Variants in PRSS23 observed in about 807,000 individuals in gnomAD.
The protein encoded by PRSS23 is protease, serine 23.
In PRSS23, 25 loss-of-function variants were observed where a neutral mutation model predicts 34.7. The ratio of observed to expected loss-of-function variants is 0.72; its 90% CI spans 0.53 to 1.01. PRSS23 has a LOEUF of 1.01. Among genes scored for constraint, PRSS23 ranks in the 50% least tolerant of loss-of-function variants. The probability of loss-of-function intolerance (pLI) is 0.00; values close to 1 mark genes in which losing one functional copy is unlikely to be tolerated. For missense variants in PRSS23, 445 were observed against 475.6 expected, an observed-to-expected ratio of 0.94 and a Z score of 0.60; for synonymous variants, 176 against 186.6, an observed-to-expected ratio of 0.94 and a Z score of 0.46.
intron 2 of PRSS23, among the ~76,000 whole-genome samples, chr11:86,927,510 T>A (rs144459977): frequency 0.013 from 1,932 of 152,122 alleles, 16 homozygotes; most frequent in South Asian, 0.021. Context: ...TTTTTTAAAT[T>A]TTTTTTTAGA....
At chr11:86,798,746 G>A (rs180795504), upstream of PRSS23, among the ~76,000 whole-genome samples, 27 of 152,340 alleles carry the variant, frequency 1.8e-4, no homozygotes, top group East Asian at 4.2e-3. Context: ...CCAGGTTGGA[G>A]TGCAGTGGTG....
At position 86,951,594 on chromosome 11, in the gene PRSS23, T is replaced by A. The variant is rs770501338; in HGVS notation, c.*309T>A. 3.9e-5 allele frequency: 63 copies of A among 1,614,090 alleles called. No homozygotes were observed. Among genetic ancestry groups the A allele is most frequent in the Non-Finnish European group, 5.3e-5 (62 of 1,179,978 alleles). On this transcript the variant is annotated 3_prime_UTR_variant, in exon 3 of 3. Coordinates refer to the PRSS23 transcript ENST00000533902. ...AAGAGGGGAGCCACCACGAACCCGG[T>A]GAGGGCATCGAGATTTTGGTTTCCA... is the stretch of plus-strand genomic sequence containing the variant.
At chr11:86,833,215 A>G (rs564941786) in intron 2 of PRSS23, 124 of 1,443,628 alleles carry the variant, frequency 8.6e-5, no homozygotes, top group East Asian at 2.1e-4. Flanking sequence ...GATGTCCACA[A>G]TCATCTTGGG....
chr11:86,911,063 T>C (rs1044187145), intron 2 of PRSS23: 2 of 152,120 alleles, frequency 1.3e-5, no homozygotes, highest in Non-Finnish European at 2.9e-5. Flanking sequence ...GTGACCAGTA[T>C]GGATCATTAC....
chr11:86,824,781 T>C (rs1292439310), intron 2 of PRSS23, among the ~76,000 whole-genome samples: 1 of 151,980 alleles, frequency 6.6e-6, no homozygotes, highest in Non-Finnish European at 1.5e-5. Context: ...TTTCCAATTT[T>C]ATCCATGTCC....
At chr11:86,873,277 T>C (rs374595305) in intron 2 of PRSS23, among the ~76,000 whole-genome samples, 8 of 93,012 alleles carry the variant, frequency 8.6e-5, no homozygotes, top group African/African-American at 1.8e-4. Flanking sequence ...TACACACACA[T>C]ATATATACAT....
chr11:86,900,294 C>A (rs1379868374), intron 2 of PRSS23, among the ~76,000 whole-genome samples: 1 of 152,194 alleles, frequency 6.6e-6, no homozygotes, highest in Non-Finnish European at 1.5e-5. Flanking sequence ...CCAGGCGGGA[C>A]ATTTGGTACA....
chr11:86,832,502 G>A (rs1381244524), intron 2 of PRSS23: 2 of 271,488 alleles, frequency 7.4e-6, no homozygotes, highest in Admixed American at 4.1e-5. Context: ...AAAAGGAATG[G>A]AACAGATAAT....
chr11:86,848,662 G>A (rs1165064407), intron 2 of PRSS23, among the ~76,000 whole-genome samples: 3 of 152,172 alleles, frequency 2.0e-5, no homozygotes, highest in African/African-American at 7.2e-5. Flanking sequence ...CTAAGAAGCG[G>A]CCGATATTAG....
chr11:86,796,268 A>G (rs1349411635), upstream of PRSS23, among the ~76,000 whole-genome samples: 2 of 152,216 alleles, frequency 1.3e-5, no homozygotes, highest in Non-Finnish European at 2.9e-5. Flanking sequence ...TATGGCACCG[A>G]GTAGACTATT....
At chr11:86,806,670 G>A (rs1948104792) in intron 1 of PRSS23, among the ~76,000 whole-genome samples, 1 of 152,206 alleles carries the variant, frequency 6.6e-6, no homozygotes, top group Non-Finnish European at 1.5e-5. Flanking sequence ...GTTTCTCTGA[G>A]CTACCGCATC....
At chr11:86,798,550 G>A (rs1296856417), upstream of PRSS23, among the ~76,000 whole-genome samples, 1 of 152,224 alleles carries the variant, frequency 6.6e-6, no homozygotes, top group Non-Finnish European at 1.5e-5. Flanking sequence ...TGACGCCTCA[G>A]CTGTCAGTAC....
At position 86,807,754 on chromosome 11, in the gene PRSS23, C is replaced by A. The variant is rs1948119299; in HGVS notation, c.111C>A (p.Leu37=). The change falls in exon 2 of 2, where the codon CTC becomes CTA. Residue 37 remains leucine, a synonymous_variant. Transcript: ENST00000280258. The stretch of plus-strand genomic sequence containing the variant: ...AACCCACTTGGCCTGCATACCGCCT[C>A]CCTGTCGTCTTGCCCCAGTCTACCC... ...PWKPTWPAYR[L]PVVLPQSTLN... 6.2e-7 allele frequency: 1 copy of A among 1,614,038 alleles called. No individual in the cohort carries two copies. The highest frequency in any genetic ancestry group is 2.2e-5 in the East Asian group (1 of 44,886).
At chr11:86,830,446 A>G (rs1329909397) in intron 2 of PRSS23, among the ~76,000 whole-genome samples, 1 of 152,154 alleles carries the variant, frequency 6.6e-6, no homozygotes, top group East Asian at 1.9e-4. Context: ...GCGCTTCCCA[A>G]GTGAGGCAGT....
chr11:86,880,515 G>T (rs1035218453), intron 2 of PRSS23, among the ~76,000 whole-genome samples: 3 of 152,032 alleles, frequency 2.0e-5, no homozygotes, highest in African/African-American at 7.2e-5. Flanking sequence ...TTAAGTTCCT[G>T]GATATATGTG....
At chr11:86,797,758 T>A (rs1297789448), upstream of PRSS23, among the ~76,000 whole-genome samples, 1 of 152,212 alleles carries the variant, frequency 6.6e-6, no homozygotes, top group African/African-American at 2.4e-5. Flanking sequence ...ACCTAATATT[T>A]ATTAAGGGCT....
intron 2 of PRSS23, among the ~76,000 whole-genome samples, chr11:86,938,244 A>G (rs1818832005): frequency 6.6e-6 from 1 of 152,240 alleles, no homozygotes; most frequent in South Asian, 2.1e-4. Flanking sequence ...CAAGAACAAT[A>G]TAATGTAATA....
In PRSS23 at chr11:86,951,405, C is replaced by T. The variant is rs1949290695; in HGVS notation, c.*120C>T. 3.1e-6 allele frequency: 5 copies of T among 1,613,424 alleles called. No homozygotes were observed. Among genetic ancestry groups the T allele is most frequent in the Non-Finnish European group, 4.2e-6 (5 of 1,179,416 alleles). ...ATTTCATAAAAATAACAGGCAATCACACACGTTGCAGGAACTGTGTACAGT... is the reference window on the plus strand; with the variant it reads ...ATTTCATAAAAATAACAGGCAATCATACACGTTGCAGGAACTGTGTACAGT... On this transcript the variant is annotated 3_prime_UTR_variant, in exon 3 of 3. Coordinates refer to the PRSS23 transcript ENST00000533902.
At chr11:86,899,588 C>T (rs1469781534) in intron 2 of PRSS23, among the ~76,000 whole-genome samples, 3 of 151,494 alleles carry the variant, frequency 2.0e-5, no homozygotes, top group African/African-American at 4.9e-5. Context: ...GATCTTGGCT[C>T]ACTGCAAGCT....
Sources: gnomAD v4.1 joint callset for allele counts (sites outside exome capture counted in the v4.1 genomes callset) on GRCh38, gnomAD v4.1.1 for gene constraint, MANE v1.5 for transcripts, NCBI Gene and HGNC (gene_info 2026-07-23, HGNC 2026-07-21) for gene names.